LRRC7: variants seen among roughly 807,000 people sequenced by gnomAD.
LRRC7 encodes leucine-rich repeat-containing protein 7.
In LRRC7, 23 loss-of-function variants were observed where a neutral mutation model predicts 175.7. That is an observed-to-expected ratio of 0.13 (90% confidence interval 0.09 to 0.19). The LOEUF is 0.19. Among genes scored for constraint, LRRC7 ranks in the 10% least tolerant of loss-of-function variants. The pLI, the probability that LRRC7 is intolerant of heterozygous loss-of-function variation, is 1.00. For synonymous variants in LRRC7, 685 were observed against 680.9 expected (o/e 1.01, Z -0.09); for missense variants, 1,354 against 1,904.7 (o/e 0.71, Z 5.38).
intron 1 of LRRC7, among the ~76,000 whole-genome samples, chr1:69,599,463 C>T (rs1359769734): frequency 6.6e-6 from 1 of 152,122 alleles, no homozygotes; most frequent in African/African-American, 2.4e-5. Flanking sequence ...ATGTCCTAAG[C>T]CATTTTGTAA....
chr1:70,086,618 C>G (rs1286546778), intron 24 of LRRC7, among the ~76,000 whole-genome samples: 1 of 151,960 alleles, frequency 6.6e-6, no homozygotes, highest in African/African-American at 2.4e-5. Context: ...ATTAGCCAAG[C>G]ATGGTGACAT....
chr1:69,891,235 A>G lies in LRRC7; in HGVS notation c.648-40272A>G, dbSNP rs141985084. On this transcript the variant is annotated intron_variant, in intron 7 of 26. Transcript: ENST00000651989. ...ACCCACAAATCTTCCTTTCACTTGA[A>G]CACTTAGAGACCATTATAGGGTTAT... Among the ~76,000 whole-genome samples the G allele has an allele frequency of 3.9e-3, 599 of 152,320 alleles. 3 individuals are homozygous for G. Among genetic ancestry groups the G allele is most frequent in the African/African-American group, 0.013 (554 of 41,580 alleles).
intron 7 of LRRC7, among the ~76,000 whole-genome samples, chr1:69,920,589 C>A (rs1646860951): frequency 6.6e-6 from 1 of 152,042 alleles, no homozygotes; most frequent in Non-Finnish European, 1.5e-5. Flanking sequence ...GGGCCTCAAC[C>A]ACTGGACTGG....
intron 2 of LRRC7, among the ~76,000 whole-genome samples, chr1:69,717,948 GA>G (rs768958296): frequency 0.24 from 24,328 of 100,164 alleles, 4,315 homozygotes; most frequent in African/African-American, 0.39. Context: ...AAGAAAGAAA[GA>G]AAGAAAGAAG....
At chr1:69,916,203 AAAATAAAATTTTAT>A (rs1646706334) in intron 7 of LRRC7, among the ~76,000 whole-genome samples, 4 of 4,952 alleles carry the variant, frequency 8.1e-4, no homozygotes, top group East Asian at 6.3e-3. Flanking sequence ...TTTATATATA[AAAATAAAATTTTAT>A]TATGTATAAT....
At chr1:69,707,073 G>A (rs1297551674) in intron 2 of LRRC7, among the ~76,000 whole-genome samples, 1 of 152,082 alleles carries the variant, frequency 6.6e-6, no homozygotes, top group Non-Finnish European at 1.5e-5. Flanking sequence ...TTTAAGTTGA[G>A]CAATAAGGGA....
At chr1:69,722,292 G>A (rs575852604) in intron 2 of LRRC7, among the ~76,000 whole-genome samples, 1 of 151,968 alleles carries the variant, frequency 6.6e-6, no homozygotes, top group South Asian at 2.1e-4. Flanking sequence ...GCTCCTTACT[G>A]TCGTACATTG....
At chr1:69,610,958 T>A (rs1036409054) in intron 1 of LRRC7, among the ~76,000 whole-genome samples, 11 of 151,976 alleles carry the variant, frequency 7.2e-5, no homozygotes, top group Non-Finnish European at 1.3e-4. Context: ...AGCTTTATGA[T>A]GACAAGATAC....
At chr1:69,873,574 G>A (rs570450608) in intron 7 of LRRC7, 6 of 509,426 alleles carry the variant, frequency 1.2e-5, no homozygotes, top group Non-Finnish European at 2.0e-5. Flanking sequence ...AGAAATGGCA[G>A]CATCAGGAGC....
chr1:69,577,695 T>C (rs1233049910), intron 1 of LRRC7, among the ~76,000 whole-genome samples: 1 of 152,180 alleles, frequency 6.6e-6, no homozygotes, highest in Admixed American at 6.5e-5. Context: ...GTTGTAGATA[T>C]GCAGTGTTAT....
At chr1:69,722,416 T>C (rs2144875) in intron 2 of LRRC7, among the ~76,000 whole-genome samples, 13,371 of 152,088 alleles carry the variant, frequency 0.088, 782 homozygotes, top group East Asian at 0.25. Context: ...ATAAAATTGC[T>C]ATGTACAATG....
rs1553201466 is a variant in LRRC7, at chr1:70,082,781, A to ATCTTTTTT, written c.4452+6484_4452+6485insCTTTTTTT. 4.6e-3 allele frequency among the ~76,000 whole-genome samples: 243 copies of ATCTTTTTT among 52,304 alleles called. 97 individuals carry two copies. The highest frequency in any genetic ancestry group is 8.0e-3 in the African/African-American group (130 of 16,174). 34.3% of individuals were successfully genotyped at this position (52,304 alleles called of 152,430 possible). On this transcript the variant is annotated intron_variant, in intron 24 of 26. Coordinates refer to ENST00000651989, the MANE Select transcript of LRRC7 (RefSeq NM_001370785.2). ...TATTAGTCAATCTTGATACCAGTAC[A>ATCTTTTTT]TTTTTTTTTTTTTTTTTTTTTTTTT... is the stretch of plus-strand genomic sequence containing the variant.
chr1:69,641,360 A>T (rs1378710669), intron 1 of LRRC7, among the ~76,000 whole-genome samples: 4 of 151,610 alleles, frequency 2.6e-5, no homozygotes, highest in Non-Finnish European at 4.4e-5. Context: ...TTTTATTATA[A>T]ATCTTTCAAT....
At chr1:69,939,035 A>ATATATC (rs202243473) in intron 8 of LRRC7, among the ~76,000 whole-genome samples, 18 of 97,620 alleles carry the variant, frequency 1.8e-4, no homozygotes, top group African/African-American at 3.9e-4. Context: ...ATATATCTAT[A>ATATATC]TATATCTATA....
chr1:69,663,994 T>C (rs948255798), intron 1 of LRRC7, among the ~76,000 whole-genome samples: 2 of 152,150 alleles, frequency 1.3e-5, no homozygotes, highest in Non-Finnish European at 2.9e-5. Context: ...GTGCTGGAAT[T>C]ACAGGCGTGA....
intron 2 of LRRC7, among the ~76,000 whole-genome samples, chr1:69,708,171 TA>T (rs1664278819): frequency 6.6e-6 from 1 of 152,206 alleles, no homozygotes; most frequent in Admixed American, 6.5e-5. Context: ...GTATGACACA[TA>T]AAACCTAAGT....
At chr1:69,568,720 G>C (rs1173108486) in intron 1 of LRRC7, 79 bp downstream of exon 1, 2 of 1,100,560 alleles carry the variant, frequency 1.8e-6, no homozygotes, top group Non-Finnish European at 2.3e-6. Flanking sequence ...GCGAGGTGTG[G>C]GACCCCAGAG....
intron 2 of LRRC7, among the ~76,000 whole-genome samples, chr1:69,707,196 G>A (rs1340753): frequency 0.075 from 11,450 of 152,216 alleles, 547 homozygotes; most frequent in African/African-American, 0.13. Flanking sequence ...TCATGCCATG[G>A]CATGTAAGTG....
chr1:69,739,386 T>G (rs567238252), intron 2 of LRRC7, among the ~76,000 whole-genome samples: 1 of 152,190 alleles, frequency 6.6e-6, no homozygotes, highest in African/African-American at 2.4e-5. Context: ...GCTGGTCCCC[T>G]GTAAGCCCAG....
Sources: allele counts gnomAD v4.1 joint callset (sites outside exome capture counted in the v4.1 genomes callset), GRCh38; gene constraint gnomAD v4.1.1; transcripts MANE v1.5; gene names NCBI Gene and HGNC (gene_info 2026-07-23, HGNC 2026-07-21).